Variants in MYBPC1 observed in about 807,000 individuals in gnomAD.
The protein encoded by MYBPC1 is myosin binding protein C1.
In MYBPC1, 52 loss-of-function variants were observed where a neutral mutation model predicts 147.1. The ratio of observed to expected loss-of-function variants is 0.35; its 90% confidence interval spans 0.28 to 0.45. The LOEUF is 0.45. Ranked by LOEUF, MYBPC1 falls within the 20% of genes least tolerant of loss-of-function variation. The probability of loss-of-function intolerance (pLI) is 1.00; values close to 1 mark genes in which losing one functional copy is unlikely to be tolerated. For missense variants in MYBPC1, 1,228 were observed against 1,440.3 expected (o/e 0.85, Z 2.39); for synonymous variants, 477 against 475.9 (o/e 1.00, Z -0.03).
At chr12:101,618,854 C>CGTGTGT (rs35811344) in intron 3 of MYBPC1, among the ~76,000 whole-genome samples, 3,761 of 136,832 alleles carry the variant, frequency 0.027, 89 homozygotes, top group African/African-American at 0.06. Context: ...CAAAAACTGC[C>CGTGTGT]GTGTGTGTGT....
intron 28 of MYBPC1, among the ~76,000 whole-genome samples, chr12:101,680,027 A>G (rs1167618757): frequency 6.6e-6 from 1 of 152,252 alleles, no homozygotes; most frequent in Non-Finnish European, 1.5e-5. Flanking sequence ...TTCGATGCCC[A>G]GAACTTGTTC....
rs187486086 is a variant in MYBPC1, at chr12:101,668,592, T to C, written c.2524+693T>C. The stretch of plus-strand genomic sequence containing the variant: ...TCTTCTGCCTCAGCCTCCCAAGTAG[T>C]TGGGATTATAGACATGCACCACTAC... On this transcript the variant is annotated intron_variant, in intron 23 of 31. Coordinates refer to ENST00000361466, the MANE Select transcript of MYBPC1 (RefSeq NM_002465.4). Among the ~76,000 whole-genome samples, 326 of 152,058 alleles carry C rather than the reference T, an allele frequency of 2.1e-3. 3 individuals are homozygous for C. Among genetic ancestry groups the C allele is most frequent in the Non-Finnish European group, 2.8e-3 (189 of 67,990 alleles).
chr12:101,660,194 C>T, intron 19 of MYBPC1: 2 of 348,598 alleles, frequency 5.7e-6, no homozygotes, highest in Non-Finnish European at 1.1e-5. Flanking sequence ...ATGAGTCTAG[C>T]AGATTACTAC....
At chr12:101,653,031 C>G (rs1174252156) in intron 17 of MYBPC1, 84 bp from the exon 18 acceptor site, 1 of 1,521,226 alleles carries the variant, frequency 6.6e-7, no homozygotes, top group Non-Finnish European at 9.0e-7. Context: ...ATATTGGTTA[C>G]TACCATCATA....
intron 18 of MYBPC1, among the ~76,000 whole-genome samples, chr12:101,656,846 T>C (rs992815246): frequency 2.0e-5 from 3 of 152,162 alleles, no homozygotes; most frequent in African/African-American, 4.8e-5. Flanking sequence ...ATCAATCAAT[T>C]GTATATAAAT....
At chr12:101,630,951 A>C (rs191786089) in intron 6 of MYBPC1, among the ~76,000 whole-genome samples, 1 of 152,332 alleles carries the variant, frequency 6.6e-6, no homozygotes, top group Admixed American at 6.5e-5. Context: ...GTCAAAATAC[A>C]CTGCATGTGA....
At chr12:101,600,093 C>T (rs890384685) in intron 1 of MYBPC1, among the ~76,000 whole-genome samples, 10 of 152,164 alleles carry the variant, frequency 6.6e-5, no homozygotes, top group Non-Finnish European at 1.2e-4. Context: ...TACTTCTCAC[C>T]CAGTAAATCT....
rs1372410214 is a variant in MYBPC1, at chr12:101,631,631, T to C, written c.350T>C (p.Ile117Thr). ...GAAGATCTTCTGAGAAAACCCACTA[T>C]CAAATGGTTCAAAGGAAAATGGATG... Reference protein sequence around the residue: ...KAEDLLRKPTIKWFKGKWMDL... With the variant: ...KAEDLLRKPTTKWFKGKWMDL... Residue 117 changes from isoleucine (I) to threonine (T), a missense_variant, in exon 7 of 32, where the codon ATC (isoleucine) becomes ACC (threonine). Ile to Thr is a moderately conservative substitution (Grantham distance 89). Transcript: ENST00000361466. 1.2e-6 allele frequency: 2 copies of C among 1,614,014 alleles called. No individual in the cohort carries two copies. The highest frequency in any genetic ancestry group is 8.5e-7 in the Non-Finnish European group (1 of 1,180,042).
chr12:101,627,927 C>T, intron 5 of MYBPC1, 123 bp downstream of exon 5: 1 of 1,134,860 alleles, frequency 8.8e-7, no homozygotes. Flanking sequence ...TTACGGCAAT[C>T]TTTCATTACG....
At chr12:101,635,843 T>G (rs1264018200) in intron 9 of MYBPC1, among the ~76,000 whole-genome samples, 4 of 152,186 alleles carry the variant, frequency 2.6e-5, no homozygotes, top group Non-Finnish European at 4.4e-5. Flanking sequence ...AAACAAAACT[T>G]CCTTAAAAAA....
chr12:101,601,471 A>T (rs1307540897), intron 1 of MYBPC1, among the ~76,000 whole-genome samples: 1 of 152,214 alleles, frequency 6.6e-6, no homozygotes, highest in Non-Finnish European at 1.5e-5. Context: ...AGATTGGGGC[A>T]TGAATTGATT....
At chr12:101,649,525 TGATTTTTAAGTATGTAAAATG>T in intron 15 of MYBPC1, 99 bp downstream of exon 15, 1 of 1,380,426 alleles carries the variant, frequency 7.2e-7, no homozygotes, top group Non-Finnish European at 1.0e-6. Flanking sequence ...CTATTTGCGA[TGATTTTTAAGTATGTAAAATG>T]GATTTCATTC....
At chr12:101,605,004 C>A (rs986828485) in intron 1 of MYBPC1, among the ~76,000 whole-genome samples, 1 of 152,194 alleles carries the variant, frequency 6.6e-6, no homozygotes, top group African/African-American at 2.4e-5. Flanking sequence ...CCCTGCTTAC[C>A]TTTCCCAAGT....
At position 101,684,449 on chromosome 12, in the gene MYBPC1, T is replaced by A. The variant is rs772048331; in HGVS notation, c.*19+25T>A. 3 of 1,531,112 alleles carry A rather than the reference T, an allele frequency of 2.0e-6. No homozygotes were observed. In the South Asian group the frequency reaches 3.4e-5, roughly 17 times the overall value. 94.8% of individuals were successfully genotyped at this position (1,531,112 alleles called of 1,614,324 possible). A position where few individuals can be genotyped will look rare whatever the true frequency, so the allele number is the denominator to read the frequency against. ...GGTAAGCTTTCATATGGTTTTGGCA[T>A]ATGAAGCTTATGACTGTCATAAGCC... On this transcript the variant is annotated intron_variant, in intron 31 of 31. Transcript: ENST00000361466.
downstream of MYBPC1, among the ~76,000 whole-genome samples, chr12:101,686,708 T>A (rs1951353005): frequency 6.6e-6 from 1 of 152,154 alleles, no homozygotes; most frequent in Non-Finnish European, 1.5e-5. Flanking sequence ...GGTGGGCCCA[T>A]GGCTTCTTTG....
chr12:101,678,288 T>C lies in MYBPC1; in HGVS notation c.3246+50T>C, dbSNP rs375149239. On this transcript the variant is annotated intron_variant, in intron 28 of 31. Transcript: ENST00000361466. ...GTTAAAGTCCCTGTCTTGTATTTGT[T>C]GTGTTATAATGTAAGTAACAATGTA... 6.5e-5 allele frequency: 104 copies of C among 1,603,216 alleles called. No homozygotes were observed. In the Middle Eastern group the frequency reaches 9.9e-4, roughly 15 times the overall value.
rs184084412 is a variant in MYBPC1, at chr12:101,669,041, C to T, written c.2524+1142C>T. Among the ~76,000 whole-genome samples the T allele has an allele frequency of 7.4e-4, 112 of 152,178 alleles. No individual in the cohort carries two copies. In the South Asian group the frequency reaches 0.012, roughly 17 times the overall value. ...GGCGGAGGCTGCAGTGAGCCAAGAT[C>T]ACGCCACTGCACTTCAGCCTGGGTG... On this transcript the variant is annotated intron_variant, in intron 23 of 31. Transcript: ENST00000361466.
In MYBPC1 at chr12:101,661,508, G is replaced by A. The variant is rs958959997; in HGVS notation, c.2032+246G>A. 1.8e-4 allele frequency among the ~76,000 whole-genome samples: 27 copies of A among 152,146 alleles called. 1 individual carries two copies. Among genetic ancestry groups the A allele is most frequent in the South Asian group, 1.2e-3 (6 of 4,822 alleles). On this transcript the variant is annotated intron_variant, in intron 20 of 31. Transcript: ENST00000361466. Reference sequence around the variant, plus strand: ...TTTGACATTTATACACACTAATTTTGAAGCAACTATAAGCCCAACTTCCAC... The same window carrying A: ...TTTGACATTTATACACACTAATTTTAAAGCAACTATAAGCCCAACTTCCAC...
intron 18 of MYBPC1, among the ~76,000 whole-genome samples, chr12:101,658,934 T>A (rs1489594196): frequency 1.3e-5 from 2 of 152,178 alleles, no homozygotes; most frequent in African/African-American, 4.8e-5. Context: ...CTGTTTTTCC[T>A]CTTTGTATAT....
Sources: gnomAD v4.1 joint callset for allele counts (sites outside exome capture counted in the v4.1 genomes callset) on GRCh38, gnomAD v4.1.1 for gene constraint, MANE v1.5 for transcripts, NCBI Gene and HGNC (gene_info 2026-07-23, HGNC 2026-07-21) for gene names.